RBFOX1: variants seen among roughly 807,000 people sequenced by gnomAD.
RBFOX1 encodes RNA binding protein fox-1 homolog 1.
RBFOX1 carries 8 observed loss-of-function variants against 57.7 expected under a neutral mutation model. That is an observed-to-expected ratio of 0.14 (90% CI 0.08 to 0.25). The LOEUF (loss-of-function observed/expected upper bound fraction) is 0.25. RBFOX1 is among the 10% of genes least tolerant of loss of function. The probability of loss-of-function intolerance (pLI) is 1.00; values close to 1 mark genes in which losing one functional copy is unlikely to be tolerated. For synonymous variants in RBFOX1, 326 were observed against 222.4 expected (o/e 1.47, Z -4.15); for missense variants, 611 against 548.5 (o/e 1.11, Z -1.14).
chr16:7,042,257 A>G (rs1452097833), intron 3 of RBFOX1, among the ~76,000 whole-genome samples: 1 of 152,202 alleles, frequency 6.6e-6, no homozygotes, highest in Non-Finnish European at 1.5e-5. Context: ...AGCACCTGCT[A>G]AGGACAAGTG....
chr16:6,547,679 A>G (rs1207736541), intron 2 of RBFOX1, among the ~76,000 whole-genome samples: 1 of 152,138 alleles, frequency 6.6e-6, no homozygotes, highest in Non-Finnish European at 1.5e-5. Context: ...TGAGGTTTGT[A>G]ATAAGATAGC....
chr16:6,189,557 A>G (rs111240921), intron 1 of RBFOX1, among the ~76,000 whole-genome samples: 4,128 of 152,264 alleles, frequency 0.027, 81 homozygotes, highest in Non-Finnish European at 0.038. Context: ...CTCAAACCAC[A>G]GGGACGTGGC....
chr16:5,730,555 C>T (rs2052327971), intron 3 of RBFOX1, among the ~76,000 whole-genome samples: 1 of 152,120 alleles, frequency 6.6e-6, no homozygotes, highest in Non-Finnish European at 1.5e-5. Context: ...TAATCATCAC[C>T]ACTGCCATCA....
intron 11 of RBFOX1, among the ~76,000 whole-genome samples, chr16:7,642,242 A>G (rs1451412687): frequency 2.0e-5 from 3 of 152,178 alleles, no homozygotes; most frequent in Non-Finnish European, 4.4e-5. Flanking sequence ...CTCAGATATC[A>G]GGCAGATGAT....
At chr16:6,061,913 GC>G (rs2095691180) in intron 1 of RBFOX1, among the ~76,000 whole-genome samples, 1 of 152,086 alleles carries the variant, frequency 6.6e-6, no homozygotes, top group Non-Finnish European at 1.5e-5. Context: ...CGCCAAGACT[GC>G]CCCCACTTTG....
rs2092083895 is a variant in RBFOX1 at position 6,995,290 on chromosome 16, T to TGTGTGTGTG, written c.-15-56767_-15-56766insGTGTGTGTG. ...AAATGACTATGATCTGAAAGTAGCCTTGTGTGTGTGTGTGTGTGTGTGTGT... is the reference window on the plus strand; with the variant it reads ...AAATGACTATGATCTGAAAGTAGCCTGTGTGTGTGTGTGTGTGTGTGTGTGTGTGTGTGT... On this transcript the variant is annotated intron_variant, in intron 3 of 15. Coordinates refer to ENST00000550418, the MANE Select transcript of RBFOX1 (RefSeq NM_018723.4). Among the ~76,000 whole-genome samples, 8 of 138,414 alleles carry TGTGTGTGTG rather than the reference T, an allele frequency of 5.8e-5. No homozygotes were observed. In the East Asian group the frequency reaches 1.4e-3, roughly 24 times the overall value. The allele number at this position is 138,414 out of a possible 152,430, so 90.8% of individuals were successfully genotyped here. A position where few individuals can be genotyped will look rare whatever the true frequency, so the allele number is the denominator to read the frequency against.
At chr16:6,692,943 A>T (rs1313570021) in intron 3 of RBFOX1, among the ~76,000 whole-genome samples, 2 of 149,680 alleles carry the variant, frequency 1.3e-5, no homozygotes, top group East Asian at 2.0e-4. Context: ...ATTATTATCA[A>T]CATCATCCCC....
chr16:7,591,893 C>G (rs1278385520), intron 7 of RBFOX1, among the ~76,000 whole-genome samples: 1 of 152,176 alleles, frequency 6.6e-6, no homozygotes, highest in Non-Finnish European at 1.5e-5. Flanking sequence ...GAAAAAACAA[C>G]CTTAGCACCC....
intron 4 of RBFOX1, among the ~76,000 whole-genome samples, chr16:7,324,606 C>T (rs2096587374): frequency 6.6e-6 from 1 of 152,208 alleles, no homozygotes; most frequent in African/African-American, 2.4e-5. Flanking sequence ...TAGATTTGCT[C>T]ATTCAGCCAG....
At chr16:5,485,852 C>G (rs981047776) in intron 2 of RBFOX1, among the ~76,000 whole-genome samples, 1 of 152,226 alleles carries the variant, frequency 6.6e-6, no homozygotes, top group Non-Finnish European at 1.5e-5. Context: ...GGTTCCTTCT[C>G]TGTTACTGAA....
intron 3 of RBFOX1, among the ~76,000 whole-genome samples, chr16:6,738,860 G>A (rs2071223773): frequency 6.6e-6 from 1 of 152,168 alleles, no homozygotes; most frequent in Admixed American, 6.6e-5. Context: ...ACACTTGGAA[G>A]CTAAACAGTA....
At chr16:5,639,360 A>C (rs181033676) in intron 3 of RBFOX1, among the ~76,000 whole-genome samples, 5 of 152,258 alleles carry the variant, frequency 3.3e-5, no homozygotes, top group Admixed American at 3.3e-4. Context: ...CCACAGTTGT[A>C]TTTTATTTTG....
chr16:7,709,924 T>C, intron 15 of RBFOX1: 1 of 1,048,382 alleles, frequency 9.5e-7, no homozygotes, highest in African/African-American at 1.7e-5. Context: ...ATCAAGAATA[T>C]CAGTCCTTAC....
At chr16:7,358,948 CA>C (rs762986472) in intron 4 of RBFOX1, among the ~76,000 whole-genome samples, 22 of 152,188 alleles carry the variant, frequency 1.4e-4, no homozygotes, top group Non-Finnish European at 3.1e-4. Flanking sequence ...TAAAGTAAAA[CA>C]TTTCTCCTTT....
chr16:5,468,603 C>T (rs1018181046), intron 2 of RBFOX1, among the ~76,000 whole-genome samples: 8 of 152,144 alleles, frequency 5.3e-5, no homozygotes, highest in African/African-American at 7.2e-5. Context: ...CATGGACACA[C>T]GACTTCACAG....
At chr16:7,206,918 A>T (rs1405396428) in intron 4 of RBFOX1, among the ~76,000 whole-genome samples, 1 of 152,164 alleles carries the variant, frequency 6.6e-6, no homozygotes, top group East Asian at 1.9e-4. Context: ...TGCTTCTTAC[A>T]GCATGGTCTG....
At chr16:7,091,440 A>G (rs545799574) in intron 4 of RBFOX1, among the ~76,000 whole-genome samples, 1 of 152,220 alleles carries the variant, frequency 6.6e-6, no homozygotes, top group African/African-American at 2.4e-5. Flanking sequence ...AAGTCAAGTC[A>G]AGAATTTCTG....
intron 2 of RBFOX1, among the ~76,000 whole-genome samples, chr16:6,534,599 C>A (rs114432418): frequency 0.012 from 1,813 of 152,160 alleles, 29 homozygotes; most frequent in African/African-American, 0.041. Flanking sequence ...TATTGATACC[C>A]GGGTGATTTA....
intron 4 of RBFOX1, among the ~76,000 whole-genome samples, chr16:7,481,721 A>G (rs953808575): frequency 7.9e-5 from 12 of 152,320 alleles, no homozygotes; most frequent in African/African-American, 2.6e-4. Flanking sequence ...TTAGGATGGG[A>G]TCATACTGCA....
Sources: gnomAD v4.1 joint callset for allele counts (sites outside exome capture counted in the v4.1 genomes callset) on GRCh38, gnomAD v4.1.1 for gene constraint, MANE v1.5 for transcripts, NCBI Gene and HGNC (gene_info 2026-07-23, HGNC 2026-07-21) for gene names.